Variants in MARCHF1 observed in about 807,000 individuals in gnomAD.
The protein encoded by MARCHF1 is membrane associated ring-CH-type finger 1, also known as E3 ubiquitin-protein ligase MARCHF1.
A neutral mutation model predicts 54.2 loss-of-function variants in MARCHF1; 40 were observed. That is an observed-to-expected ratio of 0.74 (90% CI 0.57 to 0.96). MARCHF1 has a LOEUF of 0.96. Among genes scored for constraint, MARCHF1 ranks in the 40% least tolerant of loss-of-function variants. The pLI, the probability that MARCHF1 is intolerant of heterozygous loss-of-function variation, is 0.00. For missense variants in MARCHF1, 586 were observed against 656.5 expected, an observed-to-expected ratio of 0.89 and a Z score of 1.17; for synonymous variants, 236 against 236.3, an observed-to-expected ratio of 1.00 and a Z score of 0.01.
At chr4:163,933,878 TA>T (rs1240210014) in intron 3 of MARCHF1, among the ~76,000 whole-genome samples, 1 of 152,226 alleles carries the variant, frequency 6.6e-6, no homozygotes, top group Non-Finnish European at 1.5e-5. Flanking sequence ...TGCTGCTGTT[TA>T]AGTTGACAAC....
At chr4:163,574,144 A>G (rs1739952744) in intron 8 of MARCHF1, among the ~76,000 whole-genome samples, 1 of 151,934 alleles carries the variant, frequency 6.6e-6, no homozygotes, top group Admixed American at 6.6e-5. Context: ...TCCTTCGCCC[A>G]CTTTTTGATG....
chr4:164,004,236 T>C (rs1248869957), intron 2 of MARCHF1, among the ~76,000 whole-genome samples: 1 of 131,784 alleles, frequency 7.6e-6, no homozygotes, highest in East Asian at 2.0e-4. Flanking sequence ...CCATGGCACA[T>C]GTTTACATAC....
At chr4:163,773,996 T>A (rs1425267216) in intron 4 of MARCHF1, among the ~76,000 whole-genome samples, 1 of 152,208 alleles carries the variant, frequency 6.6e-6, no homozygotes. Flanking sequence ...ATGCAGATTA[T>A]TTTCAGTTCT....
At chr4:163,708,572 G>A (rs1745016122) in intron 4 of MARCHF1, among the ~76,000 whole-genome samples, 1 of 152,016 alleles carries the variant, frequency 6.6e-6, no homozygotes, top group Non-Finnish European at 1.5e-5. Context: ...ATTTCCATAA[G>A]GTAACTTCGA....
intron 4 of MARCHF1, among the ~76,000 whole-genome samples, chr4:163,722,722 T>C (rs1745514632): frequency 6.6e-6 from 1 of 152,192 alleles, no homozygotes; most frequent in Non-Finnish European, 1.5e-5. Context: ...CTGTATTGGG[T>C]GCATATATAT....
At chr4:163,861,521 A>G (rs1749932778) in intron 3 of MARCHF1, among the ~76,000 whole-genome samples, 1 of 152,166 alleles carries the variant, frequency 6.6e-6, no homozygotes, top group South Asian at 2.1e-4. Flanking sequence ...AGGTATAAAT[A>G]TAACAATTTT....
At chr4:164,335,410 G>T (rs528762347) in intron 1 of MARCHF1, among the ~76,000 whole-genome samples, 6 of 152,190 alleles carry the variant, frequency 3.9e-5, no homozygotes, top group African/African-American at 1.2e-4. Flanking sequence ...GTGAAACCCT[G>T]TCTCTACCAA....
intron 1 of MARCHF1, among the ~76,000 whole-genome samples, chr4:164,379,370 T>C (rs980870427): frequency 3.3e-5 from 5 of 152,004 alleles, no homozygotes; most frequent in African/African-American, 1.2e-4. Flanking sequence ...ACAGGGAGCA[T>C]GTTGGGTACA....
chr4:164,079,723 A>G (rs1394023377), intron 2 of MARCHF1, among the ~76,000 whole-genome samples: 1 of 151,988 alleles, frequency 6.6e-6, no homozygotes, highest in Admixed American at 6.6e-5. Flanking sequence ...CTACTTGTCT[A>G]TTTCTATTTA....
At chr4:164,039,313 G>C (rs1337374589) in intron 2 of MARCHF1, among the ~76,000 whole-genome samples, 1 of 152,178 alleles carries the variant, frequency 6.6e-6, no homozygotes, top group Non-Finnish European at 1.5e-5. Context: ...GCTTGCCTCA[G>C]AGTAGCAACA....
intron 3 of MARCHF1, among the ~76,000 whole-genome samples, chr4:163,929,245 T>C (rs867996122): frequency 3.9e-5 from 6 of 152,024 alleles, no homozygotes; most frequent in South Asian, 4.1e-4. Flanking sequence ...GCTTCCTTGC[T>C]GCACATATTC....
intron 3 of MARCHF1, among the ~76,000 whole-genome samples, chr4:163,934,481 C>T (rs536145812): frequency 6.8e-6 from 1 of 147,690 alleles, no homozygotes; most frequent in African/African-American, 2.5e-5. Context: ...ACTGCTTGAA[C>T]CCAAAATTTG....
At chr4:164,045,160 A>C (rs1490899620) in intron 2 of MARCHF1, among the ~76,000 whole-genome samples, 3 of 152,060 alleles carry the variant, frequency 2.0e-5, no homozygotes, top group African/African-American at 7.2e-5. Context: ...AACAATAAAA[A>C]AGGGCCCTCT....
chr4:163,857,704 T>C (rs1205977642), intron 3 of MARCHF1, among the ~76,000 whole-genome samples: 1 of 152,182 alleles, frequency 6.6e-6, no homozygotes, highest in Non-Finnish European at 1.5e-5. Context: ...AACAAATTAA[T>C]ATTAGGAAAA....
chr4:163,586,148 C>T (rs751804876), intron 7 of MARCHF1, among the ~76,000 whole-genome samples: 5 of 152,104 alleles, frequency 3.3e-5, no homozygotes, highest in African/African-American at 4.8e-5. Flanking sequence ...GCTCCAAAAT[C>T]CAAAACTTTT....
chr4:164,316,801 C>G (rs558021214), intron 1 of MARCHF1, among the ~76,000 whole-genome samples: 1 of 152,206 alleles, frequency 6.6e-6, no homozygotes, highest in East Asian at 1.9e-4. Flanking sequence ...TGCTATTCTC[C>G]TGGTAGTGAG....
chr4:164,220,634 A>G (rs149986110), intron 1 of MARCHF1, among the ~76,000 whole-genome samples: 1,048 of 99,426 alleles, frequency 0.011, no homozygotes, highest in Middle Eastern at 0.03. Flanking sequence ...TATGTAATAT[A>G]TATGCTATAT....
At chr4:164,057,295 A>G (rs894793195) in intron 2 of MARCHF1, among the ~76,000 whole-genome samples, 5 of 152,212 alleles carry the variant, frequency 3.3e-5, no homozygotes, top group Non-Finnish European at 7.3e-5. Flanking sequence ...CAATTAAGCC[A>G]AGCTAAGAAG....
chr4:164,013,330 A>G (rs1753464979), intron 2 of MARCHF1, among the ~76,000 whole-genome samples: 1 of 152,168 alleles, frequency 6.6e-6, no homozygotes. Context: ...AAGATAGGTT[A>G]TATCAATATA....
Sources: allele counts gnomAD v4.1 joint callset (sites outside exome capture counted in the v4.1 genomes callset), GRCh38; gene constraint gnomAD v4.1.1; transcripts MANE v1.5; gene names NCBI Gene and HGNC (gene_info 2026-07-23, HGNC 2026-07-21).